Variants in EYA1 observed in about 807,000 individuals in gnomAD.
The protein encoded by EYA1 is EYA transcriptional coactivator and phosphatase 1.
EYA1 carries 16 observed loss-of-function variants against 82.0 expected under a neutral mutation model. That is an observed-to-expected ratio of 0.20 (90% CI 0.13 to 0.30). The LOEUF is 0.30. Among genes scored for constraint, EYA1 ranks in the 10% least tolerant of loss-of-function variants. EYA1 has a pLI of 1.00. For missense variants in EYA1, 633 were observed against 730.7 expected (o/e 0.87, Z 1.54); for synonymous variants, 261 against 264.4 (o/e 0.99, Z 0.12).
chr8:71,391,917 C>A (rs976683046), intron 2 of EYA1, among the ~76,000 whole-genome samples: 1 of 152,188 alleles, frequency 6.6e-6, no homozygotes, highest in African/African-American at 2.4e-5. Context: ...TTTCTCCTTT[C>A]TAGAATCCCA....
At chr8:71,233,542 C>T (rs1448554805) in intron 12 of EYA1, among the ~76,000 whole-genome samples, 17 of 140,018 alleles carry the variant, frequency 1.2e-4, no homozygotes, top group East Asian at 4.2e-4. Flanking sequence ...CCATCCTGGG[C>T]GACAGAGTGA....
At chr8:71,479,304 T>A (rs1359921110) in intron 2 of EYA1, among the ~76,000 whole-genome samples, 2 of 152,092 alleles carry the variant, frequency 1.3e-5, no homozygotes, top group Non-Finnish European at 2.9e-5. Flanking sequence ...TTTGCTCAAA[T>A]TGCACCTTCC....
chr8:71,233,297 G>A (rs954627041), intron 12 of EYA1, among the ~76,000 whole-genome samples: 6 of 152,030 alleles, frequency 3.9e-5, no homozygotes, highest in South Asian at 2.1e-4. Context: ...GGGTGCGGTG[G>A]CTCATGCCTG....
upstream of EYA1, chr8:71,362,284 TAAA>T: frequency 1.2e-5 from 8 of 656,720 alleles, no homozygotes; most frequent in Non-Finnish European, 1.5e-5. Flanking sequence ...CCTTGCTGTT[TAAA>T]AAAAAAAAAA....
chr8:71,364,191 A>T (rs1827609405), upstream of EYA1, among the ~76,000 whole-genome samples: 1 of 151,962 alleles, frequency 6.6e-6, no homozygotes, highest in South Asian at 2.1e-4. Flanking sequence ...ATAATTATGT[A>T]ACAAAGAGCT....
At chr8:71,299,840 T>C (rs1820008966) in intron 7 of EYA1, 120 bp from the exon 8 acceptor site, 2 of 700,996 alleles carry the variant, frequency 2.9e-6, no homozygotes, top group Non-Finnish European at 2.6e-6. Context: ...CTAGAATCTG[T>C]TGTCATGTCT....
chr8:71,446,344 G>A (rs1806875085), intron 2 of EYA1, among the ~76,000 whole-genome samples: 1 of 152,092 alleles, frequency 6.6e-6, no homozygotes. Flanking sequence ...GGTTTTATGA[G>A]TTTGACAGTT....
intron 2 of EYA1, among the ~76,000 whole-genome samples, chr8:71,442,876 C>G (rs1362693703): frequency 6.6e-6 from 1 of 152,168 alleles, no homozygotes; most frequent in Admixed American, 6.5e-5. Context: ...CTCTGATATA[C>G]TTTTCTTTAT....
chr8:71,483,936 T>C (rs1448202367), intron 2 of EYA1, among the ~76,000 whole-genome samples: 1 of 152,114 alleles, frequency 6.6e-6, no homozygotes, highest in African/African-American at 2.4e-5. Flanking sequence ...TCTTCTGTCA[T>C]GGGAGAAAGT....
intron 3 of EYA1, among the ~76,000 whole-genome samples, chr8:71,344,142 A>G (rs906328290): frequency 6.6e-6 from 1 of 152,214 alleles, no homozygotes; most frequent in Non-Finnish European, 1.5e-5. Context: ...TTTATAAAGT[A>G]AAATTTTTAT....
intron 1 of EYA1, among the ~76,000 whole-genome samples, chr8:71,547,087 A>G (rs1162499723): frequency 1.3e-5 from 2 of 152,028 alleles, no homozygotes; most frequent in African/African-American, 4.8e-5. Flanking sequence ...ATTCACAGAA[A>G]TAATAATTCT....
chr8:71,456,444 G>A (rs1367448480), intron 2 of EYA1, among the ~76,000 whole-genome samples: 2 of 152,250 alleles, frequency 1.3e-5, no homozygotes, highest in Non-Finnish European at 1.5e-5. Context: ...AGTCCGCATT[G>A]CCAAGTCAAT....
At chr8:71,346,723 T>C (rs1487770142) in intron 3 of EYA1, among the ~76,000 whole-genome samples, 1 of 152,102 alleles carries the variant, frequency 6.6e-6, no homozygotes, top group Non-Finnish European at 1.5e-5. Context: ...GGCAACAATG[T>C]TGACTGTGGA....
intron 2 of EYA1, among the ~76,000 whole-genome samples, chr8:71,390,511 C>T (rs2129109536): frequency 1.3e-5 from 2 of 152,274 alleles, no homozygotes; most frequent in Middle Eastern, 6.8e-3. Context: ...AATCCTCCCA[C>T]CTGGGCCTCC....
At chr8:71,401,189 A>C (rs1013985060) in intron 2 of EYA1, among the ~76,000 whole-genome samples, 2 of 152,194 alleles carry the variant, frequency 1.3e-5, no homozygotes, top group African/African-American at 4.8e-5. Context: ...TCTGGGCTTC[A>C]TACCTAGGTG....
chr8:71,207,630 TTC>T (rs1807971788), intron 17 of EYA1, among the ~76,000 whole-genome samples: 1 of 152,178 alleles, frequency 6.6e-6, no homozygotes, highest in South Asian at 2.1e-4. Flanking sequence ...GCTGCCTAAT[TTC>T]TTTTTTGTGT....
chr8:71,484,010 G>A (rs1810375520), intron 2 of EYA1, among the ~76,000 whole-genome samples: 1 of 152,188 alleles, frequency 6.6e-6, no homozygotes. Flanking sequence ...CTTCTCAGGG[G>A]CTTTCACAGA....
At chr8:71,246,169 A>C (rs1813064147) in intron 11 of EYA1, among the ~76,000 whole-genome samples, 1 of 152,200 alleles carries the variant, frequency 6.6e-6, no homozygotes, top group Non-Finnish European at 1.5e-5. Context: ...GCATTCTATT[A>C]ATAATACCAA....
intron 12 of EYA1, among the ~76,000 whole-genome samples, chr8:71,235,971 C>T (rs11785843): frequency 2.6e-5 from 4 of 151,970 alleles, no homozygotes; most frequent in African/African-American, 9.7e-5. Flanking sequence ...AATATATCGT[C>T]GTGGCTTTTA....
Sources: allele counts gnomAD v4.1 joint callset (sites outside exome capture counted in the v4.1 genomes callset), GRCh38; gene constraint gnomAD v4.1.1; transcripts MANE v1.5; gene names NCBI Gene and HGNC (gene_info 2026-07-23, HGNC 2026-07-21).